The following STK38L variants were observed in gnomAD, a reference collection of about 807,000 sequenced individuals.
STK38L encodes serine/threonine kinase 38 like.
Under a neutral mutation model 59.7 loss-of-function variants are expected in STK38L, and 28 were observed. That is an observed-to-expected ratio of 0.47 (90% CI 0.35 to 0.64). The LOEUF (loss-of-function observed/expected upper bound fraction) is 0.64, where lower values mean the gene tolerates loss of function less well. Among genes scored for constraint, STK38L ranks in the 30% least tolerant of loss-of-function variants. The pLI, the probability that STK38L is intolerant of heterozygous loss-of-function variation, is 0.01. For missense variants in STK38L, 314 were observed against 555.8 expected (o/e 0.56, Z 4.37); for synonymous variants, 162 against 176.8 (o/e 0.92, Z 0.66).
chr12:27,253,435 G>C (rs986777245), intron 1 of STK38L, among the ~76,000 whole-genome samples: 1 of 25,664 alleles, frequency 3.9e-5, no homozygotes, highest in Non-Finnish European at 6.0e-5. Flanking sequence ...GACTTGCATG[G>C]ATGGGTCTCT....
At chr12:27,266,100 A>G (rs780940449) in intron 1 of STK38L, among the ~76,000 whole-genome samples, 1 of 152,260 alleles carries the variant, frequency 6.6e-6, no homozygotes, top group Non-Finnish European at 1.5e-5. Flanking sequence ...AACATATTTT[A>G]AGACACAAAG....
At chr12:27,288,817 C>G (rs1943835050) in intron 1 of STK38L, among the ~76,000 whole-genome samples, 1 of 151,960 alleles carries the variant, frequency 6.6e-6, no homozygotes, top group Non-Finnish European at 1.5e-5. Flanking sequence ...CTGGTCTCCC[C>G]TCACCTTCGT....
In STK38L at chr12:27,324,172, T is replaced by TA. The variant is rs1225119222; in HGVS notation, c.*1718dup. On this transcript the variant is annotated 3_prime_UTR_variant, in exon 14 of 14. Coordinates refer to ENST00000389032, the MANE Select transcript of STK38L (RefSeq NM_015000.4). ...TCTTTTTAAATATTTGTTGAGTACT[T>TA]ACGTGTTTATCTAACAGTTCACTTC... 5.3e-5 allele frequency: 8 copies of TA among 152,226 alleles called. No individual in the cohort carries two copies. Among genetic ancestry groups the TA allele is most frequent in the Non-Finnish European group, 1.0e-4 (7 of 67,944 alleles). The allele number at this position is 152,226 out of a possible 1,614,324, so 9.4% of individuals were successfully genotyped here.
Position 27,314,581 on chromosome 12 carries a change from C to G in STK38L, c.595C>G (p.Leu199Val), listed in dbSNP as rs765344869. Residue 199 changes from leucine to valine, a missense_variant, in exon 7 of 14, where the codon CTG (leucine) becomes GTG (valine). Leu to Val is a conservative substitution (Grantham distance 32). This residue lies in a region of STK38L where 192 missense variants were observed against 316.9 expected (regional missense o/e 0.61). Transcript: ENST00000389032. ...ETQFYISETVLAIDAIHQLGF... is the reference protein window; with the variant it reads ...ETQFYISETVVAIDAIHQLGF... ...ACAGTTCTACATTTCAGAGACTGTT[C>G]TGGCAATAGATGCGATCCACCAGTT... 1 of 1,610,468 alleles carries G rather than the reference C, an allele frequency of 6.2e-7. No homozygotes were observed. The highest frequency in any genetic ancestry group is 8.5e-7 in the Non-Finnish European group (1 of 1,178,468).
chr12:27,299,304 A>G (rs1396924424), intron 2 of STK38L, among the ~76,000 whole-genome samples: 1 of 152,244 alleles, frequency 6.6e-6, no homozygotes, highest in African/African-American at 2.4e-5. Flanking sequence ...TCAGAAATCA[A>G]CTTAAAATAG....
Position 27,323,498 on chromosome 12 carries a change from A to G in STK38L, c.*1043A>G, listed in dbSNP as rs983926544. 1 of 152,466 alleles carries G rather than the reference A, an allele frequency of 6.6e-6. No individual in the cohort carries two copies. The highest frequency in any genetic ancestry group is 1.5e-5 in the Non-Finnish European group (1 of 67,962). 9.4% of individuals were successfully genotyped at this position (152,466 alleles called of 1,614,324 possible). On this transcript the variant is annotated 3_prime_UTR_variant, in exon 14 of 14. Coordinates refer to ENST00000389032, the MANE Select transcript of STK38L (RefSeq NM_015000.4). Reference sequence around the variant, plus strand: ...TCTTTTGATGAAAATTTTTCCTTTGATAGTACTTGTATTATTGTGCCATTA... The same window carrying G: ...TCTTTTGATGAAAATTTTTCCTTTGGTAGTACTTGTATTATTGTGCCATTA...
intron 1 of STK38L, among the ~76,000 whole-genome samples, chr12:27,267,680 G>T (rs1223286836): frequency 2.0e-5 from 3 of 152,184 alleles, no homozygotes; most frequent in African/African-American, 4.8e-5. Context: ...CTCCAAAGCA[G>T]TTGTACTAAT....
chr12:27,292,801 C>T (rs1443937694), intron 1 of STK38L, among the ~76,000 whole-genome samples: 1 of 152,172 alleles, frequency 6.6e-6, no homozygotes, highest in East Asian at 1.9e-4. Context: ...ACTTGACATC[C>T]ACTTCCGATT....
At chr12:27,288,271 A>T (rs1443615175) in intron 1 of STK38L, among the ~76,000 whole-genome samples, 1 of 152,138 alleles carries the variant, frequency 6.6e-6, no homozygotes, top group Admixed American at 6.5e-5. Flanking sequence ...TTCTAAATTT[A>T]TGTCTTTAAA....
At chr12:27,278,761 GA>G (rs1943590509) in intron 1 of STK38L, among the ~76,000 whole-genome samples, 1 of 152,126 alleles carries the variant, frequency 6.6e-6, no homozygotes, top group Admixed American at 6.5e-5. Flanking sequence ...TCTCAGTTTG[GA>G]TACTTGTCCC....
chr12:27,267,049 C>T (rs1369777115), intron 1 of STK38L, among the ~76,000 whole-genome samples: 1 of 152,084 alleles, frequency 6.6e-6, no homozygotes, highest in Admixed American at 6.6e-5. Context: ...TTTACAGTTT[C>T]GGGTTTTTGT....
At chr12:27,311,774 T>C (rs1591934742) in intron 5 of STK38L, among the ~76,000 whole-genome samples, 1 of 152,178 alleles carries the variant, frequency 6.6e-6, no homozygotes, top group Admixed American at 6.5e-5. Context: ...ACTATTTCTT[T>C]AAAAAACACC....
intron 12 of STK38L, 111 bp from the exon 13 acceptor site, chr12:27,322,020 CAATAAATTTCCT>C (rs1944740431): frequency 1.6e-5 from 13 of 793,690 alleles, no homozygotes; most frequent in Admixed American, 9.1e-5. Context: ...CTCAAATCCA[CAATAAATTTCCT>C]TGGATTTTCT....
chr12:27,299,702 C>T (rs1337328937), intron 2 of STK38L, among the ~76,000 whole-genome samples: 1 of 151,508 alleles, frequency 6.6e-6, no homozygotes, highest in African/African-American at 2.4e-5. Context: ...CAGAGTTTGA[C>T]AAATTATGTT....
intron 3 of STK38L, among the ~76,000 whole-genome samples, chr12:27,303,012 TAAAAA>T (rs33949589): frequency 1.7e-5 from 2 of 119,810 alleles, no homozygotes; most frequent in African/African-American, 6.3e-5. Flanking sequence ...GACTCCGTCT[TAAAAA>T]AAAAAAAAAA....
chr12:27,295,501 G>A (rs1318665260), intron 1 of STK38L, among the ~76,000 whole-genome samples: 3 of 152,166 alleles, frequency 2.0e-5, no homozygotes, highest in African/African-American at 7.2e-5. Context: ...TCTTTACAGA[G>A]CACTTTACTA....
intron 1 of STK38L, among the ~76,000 whole-genome samples, chr12:27,246,877 C>T (rs894870747): frequency 7.2e-5 from 11 of 152,066 alleles, no homozygotes; most frequent in Middle Eastern, 3.2e-3. Flanking sequence ...TCTGTACACT[C>T]GGACGAACTG....
chr12:27,273,291 C>T (rs897114106), intron 1 of STK38L, among the ~76,000 whole-genome samples: 1 of 152,112 alleles, frequency 6.6e-6, no homozygotes, highest in Non-Finnish European at 1.5e-5. Flanking sequence ...GCCTCCGTTT[C>T]TATATGTGTG....
intron 1 of STK38L, among the ~76,000 whole-genome samples, chr12:27,260,128 C>G (rs1356907712): frequency 6.6e-6 from 1 of 152,162 alleles, no homozygotes; most frequent in Non-Finnish European, 1.5e-5. Flanking sequence ...TTTTCTGACT[C>G]ATTCTCCTTC....
Sources: gnomAD v4.1 joint callset for allele counts (sites outside exome capture counted in the v4.1 genomes callset) on GRCh38, gnomAD v4.1.1 for gene constraint, gnomAD v4.1.1 regional missense constraint, MANE v1.5 for transcripts, NCBI Gene and HGNC (gene_info 2026-07-23, HGNC 2026-07-21) for gene names.